The following TRIP13 variants were observed in gnomAD, a reference collection of about 807,000 sequenced individuals.
The protein encoded by TRIP13 is pachytene checkpoint protein 2 homolog.
A neutral mutation model predicts 54.4 loss-of-function variants in TRIP13; 25 were observed. That is an observed-to-expected ratio of 0.46 (90% CI 0.33 to 0.64). The LOEUF is 0.64. Among genes scored for constraint, TRIP13 ranks in the 30% least tolerant of loss-of-function variants. TRIP13 has a pLI of 0.02. For synonymous variants in TRIP13, 207 were observed against 207.8 expected (o/e 1.00, Z 0.03); for missense variants, 373 against 534.2 (o/e 0.70, Z 2.97).
At chr5:894,048 C>A (rs1322392759) in intron 1 of TRIP13, among the ~76,000 whole-genome samples, 1 of 152,162 alleles carries the variant, frequency 6.6e-6, no homozygotes, top group Admixed American at 6.5e-5. Flanking sequence ...CACCAGAGTT[C>A]ATAGACACCT....
chr5:895,503 G>A (rs944377103), intron 2 of TRIP13, among the ~76,000 whole-genome samples: 2 of 152,056 alleles, frequency 1.3e-5, no homozygotes, highest in African/African-American at 4.8e-5. Flanking sequence ...ATCACTTACA[G>A]CAGTACAATT....
At chr5:896,405 G>A (rs555713678) in intron 2 of TRIP13, among the ~76,000 whole-genome samples, 6 of 152,180 alleles carry the variant, frequency 3.9e-5, no homozygotes, top group South Asian at 2.1e-4. Flanking sequence ...ATATAATAAC[G>A]TCCCGGAGGC....
intron 2 of TRIP13, 143 bp downstream of exon 2, chr5:895,095 C>G (rs903755866): frequency 9.0e-6 from 8 of 890,790 alleles, no homozygotes; most frequent in Non-Finnish European, 1.3e-5. Flanking sequence ...GTTCTTTTCA[C>G]TAGCTGTCAG....
chr5:893,135 C>G, intron 1 of TRIP13, 45 bp downstream of exon 1: 1 of 1,512,222 alleles, frequency 6.6e-7, no homozygotes, highest in Non-Finnish European at 8.9e-7. Flanking sequence ...CCCACCCGCC[C>G]CGACCCCAGC....
intron 5 of TRIP13, among the ~76,000 whole-genome samples, chr5:903,573 G>A (rs966942260): frequency 2.6e-5 from 4 of 152,082 alleles, no homozygotes; most frequent in African/African-American, 9.7e-5. Flanking sequence ...GTGGCTTGCC[G>A]CCCACATCAT....
At chr5:902,949 A>C (rs1356281280) in intron 5 of TRIP13, among the ~76,000 whole-genome samples, 1 of 152,192 alleles carries the variant, frequency 6.6e-6, no homozygotes, top group East Asian at 1.9e-4. Context: ...TAGTACTTTC[A>C]CTAATTTGCT....
intron 3 of TRIP13, 107 bp downstream of exon 3, chr5:896,901 G>T (rs911516397): frequency 1.5e-6 from 2 of 1,298,564 alleles, no homozygotes; most frequent in African/African-American, 1.5e-5. Flanking sequence ...TGTTTTGTAG[G>T]ATTTTAGGAT....
chr5:910,301 C>T (rs553952359), intron 9 of TRIP13, among the ~76,000 whole-genome samples: 3 of 152,352 alleles, frequency 2.0e-5, no homozygotes, highest in African/African-American at 4.8e-5. Context: ...CCTGTCTCCC[C>T]GGTTTATGCT....
chr5:918,881 G>C (rs1364617425), downstream of TRIP13: 1 of 152,128 alleles, frequency 6.6e-6, no homozygotes, highest in African/African-American at 2.4e-5. The surrounding 1 kb of genome is among the most constrained non-coding windows in gnomAD (Gnocchi z 4.3). Flanking sequence ...GCCCACCCAG[G>C]TTAAGGGTGG....
intron 11 of TRIP13, among the ~76,000 whole-genome samples, chr5:914,872 T>G (rs1754312529): frequency 1.3e-5 from 2 of 151,774 alleles, no homozygotes; most frequent in Admixed American, 1.3e-4. Flanking sequence ...ATTCGCAGAG[T>G]CCACAGAAAG....
rs374966640 is a variant in TRIP13 at position 894,746 on chromosome 5, G to A, written c.93-41G>A. Reference sequence around the variant, plus strand: ...CACTTCATTTTAACATTTTGTTTTTGAACTAAGATCATTTATGTGTGTTTT... The same window carrying A: ...CACTTCATTTTAACATTTTGTTTTTAAACTAAGATCATTTATGTGTGTTTT... On this transcript the variant is annotated intron_variant, in intron 1 of 12. Transcript: ENST00000166345. The A allele has an allele frequency of 2.0e-4, 316 of 1,560,308 alleles. 1 individual carries two copies. Among genetic ancestry groups the A allele is most frequent in the Non-Finnish European group, 1.5e-4 (171 of 1,156,596 alleles).
chr5:911,930 C>T lies in TRIP13; in HGVS notation c.954C>T (p.Tyr318=). The T allele has an allele frequency of 1.2e-6, 2 of 1,613,798 alleles. No individual in the cohort carries two copies. The highest frequency in any genetic ancestry group is 2.2e-5 in the South Asian group (2 of 91,042). ...AFVDRADIKQ[Y]IGPPSAAAIF... ...TGGACAGGGCTGACATCAAGCAGTA[C>T]ATTGGGCCACCCTCTGCAGCAGCCA... The change falls in exon 10 of 13, where the codon TAC becomes TAT. Residue 318 remains tyrosine (Y), a synonymous_variant. Transcript: ENST00000166345. The surrounding 1 kb of genome is among the most constrained non-coding windows in gnomAD (Gnocchi z 4.7).
intron 9 of TRIP13, among the ~76,000 whole-genome samples, chr5:910,977 A>G (rs1352773226): frequency 1.3e-5 from 2 of 152,248 alleles, no homozygotes; most frequent in Non-Finnish European, 2.9e-5. Flanking sequence ...TTCCCCAGGC[A>G]GCAGTGGTAG....
At chr5:914,382 G>C in intron 10 of TRIP13, 83 bp from the exon 11 acceptor site, 1 of 893,944 alleles carries the variant, frequency 1.1e-6, no homozygotes, top group African/African-American at 1.7e-5. Flanking sequence ...CATTTGACCT[G>C]CAGGTGCTGT....
chr5:896,686 A>G lies in TRIP13; in HGVS notation c.280A>G (p.Thr94Ala). 1.2e-6 allele frequency: 2 copies of G among 1,613,346 alleles called. No homozygotes were observed. The highest frequency in any genetic ancestry group is 1.3e-5 in the African/African-American group (1 of 75,038). ...DSQPIDLSAC[T>A]VALHIFQLNE... is the part of the protein sequence containing the mutation. The stretch of plus-strand genomic sequence containing the variant: ...TTAGCCCATCGATTTGAGTGCATGC[A>G]CTGTTGCACTTCACATTTTCCAGCT... Residue 94 changes from threonine to alanine, a missense_variant, in exon 3 of 13, where the codon ACT becomes GCT. This residue lies in a region of TRIP13 where 151 missense variants were observed against 151.9 expected (regional missense o/e 0.99). Transcript: ENST00000166345.
In TRIP13 at chr5:917,619, G is replaced by A. The variant is rs1235546574; in HGVS notation, c.*516G>A. ...AAAAATGTTTTCAAGACTATTTAAT[G>A]GATGTAAAAAAGCCTATTTCTACAT... On this transcript the variant is annotated 3_prime_UTR_variant, in exon 13 of 13. Coordinates refer to ENST00000166345, the MANE Select transcript of TRIP13 (RefSeq NM_004237.4). 1 of 152,410 alleles carries A rather than the reference G, an allele frequency of 6.6e-6. No homozygotes were observed. The highest frequency in any genetic ancestry group is 1.5e-5 in the Non-Finnish European group (1 of 68,238). The allele number at this position is 152,410 out of a possible 1,614,324, so 9.4% of individuals were successfully genotyped here.
rs562111142 is a variant in TRIP13 at position 917,208 on chromosome 5, C to T, written c.*105C>T. On this transcript the variant is annotated 3_prime_UTR_variant, in exon 13 of 13. Transcript: ENST00000166345. ...CAGGGAATCCCTTCTGCAAACCAAA[C>T]GTTACTTAGACTGCAAGCTAGAAAG... 15 of 1,069,170 alleles carry T rather than the reference C, an allele frequency of 1.4e-5. No individual in the cohort carries two copies. The highest frequency in any genetic ancestry group is 3.2e-5 in the African/African-American group (2 of 63,018). The allele number at this position is 1,069,170 out of a possible 1,614,324, so 66.2% of individuals were successfully genotyped here. A position where few individuals can be genotyped will look rare whatever the true frequency, so the allele number is the denominator to read the frequency against.
rs764261299 is a variant in TRIP13, at chr5:911,752, G to A, written c.867-91G>A. 16 of 1,480,578 alleles carry A rather than the reference G, an allele frequency of 1.1e-5. No individual in the cohort carries two copies. The highest frequency in any genetic ancestry group is 4.7e-5 in the Admixed American group (2 of 42,820). 91.7% of individuals were successfully genotyped at this position (1,480,578 alleles called of 1,614,324 possible). On this transcript the variant is annotated intron_variant, in intron 9 of 12. Transcript: ENST00000166345. The surrounding 1 kb of genome is among the most constrained non-coding windows in gnomAD (Gnocchi z 4.7). ...TCCTGTTGGCAGCCTGCTGGCCATC[G>A]TCCTGCCAACCTCCTTGCCAGATAG... is the stretch of plus-strand genomic sequence containing the variant.
chr5:912,117 C>T lies in TRIP13; in HGVS notation c.1020+121C>T. 7.9e-7 allele frequency: 1 copy of T among 1,266,690 alleles called. No individual in the cohort carries two copies. The highest frequency in any genetic ancestry group is 1.1e-6 in the Non-Finnish European group (1 of 929,882). The allele number at this position is 1,266,690 out of a possible 1,614,324, so 78.5% of individuals were successfully genotyped here. A position where few individuals can be genotyped will look rare whatever the true frequency, so the allele number is the denominator to read the frequency against. ...GGATTTCAACATATGCATTAACTCC[C>T]TTCTTAAATTGAAAACTAGTTTTGT... On this transcript the variant is annotated intron_variant, in intron 10 of 12. Coordinates refer to ENST00000166345, the MANE Select transcript of TRIP13 (RefSeq NM_004237.4). The surrounding 1 kb of genome is among the most constrained non-coding windows in gnomAD (Gnocchi z 7.2).
Sources: gnomAD v4.1 joint callset for allele counts (sites outside exome capture counted in the v4.1 genomes callset) on GRCh38, gnomAD v4.1.1 for gene constraint, gnomAD v4.1.1 regional missense constraint, Gnocchi (gnomAD v3.1) non-coding constraint, MANE v1.5 for transcripts, NCBI Gene and HGNC (gene_info 2026-07-23, HGNC 2026-07-21) for gene names.